Variants in GID4 observed in about 807,000 individuals in gnomAD.
GID4 encodes the protein glucose-induced degradation protein 4 homolog.
GID4 carries 7 observed loss-of-function variants against 32.4 expected under a neutral mutation model. The observed-to-expected ratio is 0.22, with a 90% CI of 0.12 to 0.41. The LOEUF (loss-of-function observed/expected upper bound fraction) is 0.41. Ranked by LOEUF, GID4 falls within the 10% of genes least tolerant of loss-of-function variation. GID4 has a pLI of 1.00. For missense variants in GID4, 309 were observed against 400.0 expected (o/e 0.77, Z 1.94); for synonymous variants, 166 against 170.0 (o/e 0.98, Z 0.18).
intron 1 of GID4, among the ~76,000 whole-genome samples, chr17:18,044,183 G>A (rs1427484779): frequency 1.3e-5 from 2 of 152,118 alleles, no homozygotes; most frequent in Admixed American, 6.6e-5. Context: ...CAAAAGCCAG[G>A]GATTTTTCAC....
At chr17:18,063,294 C>T (rs2045032900) in intron 5 of GID4, among the ~76,000 whole-genome samples, 3 of 151,844 alleles carry the variant, frequency 2.0e-5, no homozygotes, top group Admixed American at 1.3e-4. Context: ...CCTGTAGTTC[C>T]AGCTACTCAG....
At chr17:18,049,940 T>C (rs1475293442) in intron 2 of GID4, among the ~76,000 whole-genome samples, 1 of 152,214 alleles carries the variant, frequency 6.6e-6, no homozygotes, top group Admixed American at 6.5e-5. Flanking sequence ...TTTGAGCCCA[T>C]GAGTTCTCAT....
chr17:18,062,659 A>G (rs1321254532), intron 5 of GID4, among the ~76,000 whole-genome samples: 2 of 152,202 alleles, frequency 1.3e-5, no homozygotes, highest in African/African-American at 4.8e-5. Context: ...ATCCTACCCT[A>G]GATTCCTTGT....
At chr17:18,062,038 C>T (rs2142153845) in intron 5 of GID4, 63 bp downstream of exon 5, 1 of 1,527,474 alleles carries the variant, frequency 6.5e-7, no homozygotes, top group Non-Finnish European at 9.0e-7. Flanking sequence ...TCTCCCTTGG[C>T]TCATCAAACC....
chr17:18,059,722 A>T (rs2045001645), intron 4 of GID4, among the ~76,000 whole-genome samples: 1 of 152,186 alleles, frequency 6.6e-6, no homozygotes, highest in Admixed American at 6.5e-5. Flanking sequence ...AAATCTTGTC[A>T]GCTTTCATAA....
intron 2 of GID4, among the ~76,000 whole-genome samples, chr17:18,050,803 A>G (rs1232675142): frequency 6.6e-6 from 1 of 152,232 alleles, no homozygotes; most frequent in Middle Eastern, 3.2e-3. Context: ...GTCTGACAAC[A>G]GCCAGACCCA....
chr17:18,049,195 A>G (rs967998621), intron 2 of GID4, among the ~76,000 whole-genome samples: 1 of 151,382 alleles, frequency 6.6e-6, no homozygotes, highest in Non-Finnish European at 1.5e-5. Flanking sequence ...AATTAGCTGG[A>G]CATGGTGGCG....
At chr17:18,050,807 A>T (rs1373838286) in intron 2 of GID4, among the ~76,000 whole-genome samples, 1 of 152,240 alleles carries the variant, frequency 6.6e-6, no homozygotes, top group African/African-American at 2.4e-5. Flanking sequence ...GACAACAGCC[A>T]GACCCACCAA....
chr17:18,066,722 T>G lies in GID4; in HGVS notation c.*1479T>G, dbSNP rs2142158544. 1 of 152,282 alleles carries G rather than the reference T, an allele frequency of 6.6e-6. No homozygotes were observed. The highest frequency in any genetic ancestry group is 1.9e-4 in the East Asian group (1 of 5,188). The allele number at this position is 152,282 out of a possible 1,614,324, so 9.4% of individuals were successfully genotyped here. A position where few individuals can be genotyped will look rare whatever the true frequency, so the allele number is the denominator to read the frequency against. On this transcript the variant is annotated 3_prime_UTR_variant, in exon 6 of 6. Transcript: ENST00000268719. ...CATAAGAGAATGTGAAGCCCTTCAG[T>G]GAGACGAGACGAGCAATGGGAAACC... is the stretch of plus-strand genomic sequence containing the variant.
At chr17:18,050,141 A>G (rs943547738) in intron 2 of GID4, among the ~76,000 whole-genome samples, 1 of 152,180 alleles carries the variant, frequency 6.6e-6, no homozygotes, top group African/African-American at 2.4e-5. Context: ...ATGGGCATTT[A>G]GGTTGACCCA....
rs1020879477 is a variant in GID4, at chr17:18,066,503, T to A, written c.*1260T>A. The A allele has an allele frequency of 1.3e-5, 2 of 152,148 alleles. No individual in the cohort carries two copies. Among genetic ancestry groups the A allele is most frequent in the African/African-American group, 4.8e-5 (2 of 41,374 alleles). The allele number at this position is 152,148 out of a possible 1,614,324, so 9.4% of individuals were successfully genotyped here. On this transcript the variant is annotated 3_prime_UTR_variant, in exon 6 of 6. Coordinates refer to ENST00000268719, the MANE Select transcript of GID4 (RefSeq NM_024052.5). ...GTGTGTGTATGATGTTTTGTTTTTT[T>A]AAATGTTTTAAAAGCTTAATAGGTT...
chr17:18,040,596 T>A (rs1286382084), intron 1 of GID4, among the ~76,000 whole-genome samples: 4 of 152,064 alleles, frequency 2.6e-5, no homozygotes, highest in Non-Finnish European at 5.9e-5. Flanking sequence ...TGTCTCTTCA[T>A]GGTCCAGGCA....
chr17:18,056,903 C>CG, intron 3 of GID4: 1 of 1,550,586 alleles, frequency 6.4e-7, no homozygotes, highest in Non-Finnish European at 8.7e-7. Flanking sequence ...ACTTTCACCA[C>CG]TCATGGAGGA....
Position 18,039,668 on chromosome 17 carries a change from G to T in GID4, c.204G>T (p.Ala68=). 1 of 1,370,554 alleles carries T rather than the reference G, an allele frequency of 7.3e-7. No individual in the cohort carries two copies. The highest frequency in any genetic ancestry group is 9.4e-7 in the Non-Finnish European group (1 of 1,062,126). 84.9% of individuals were successfully genotyped at this position (1,370,554 alleles called of 1,614,324 possible). ...ATLLGSRAAA[A]VPLPLPPALA... ...TCCTCGGCTCCCGCGCGGCGGCGGC[G>T]GTTCCTCTCCCACTCCCCCCAGCCC... The change falls in exon 1 of 6, where the codon GCG becomes GCT. Residue 68 remains alanine, a synonymous_variant. Transcript: ENST00000268719. This position sits in a 1 kb window ranked among gnomAD's most constrained non-coding sequence, Gnocchi z 5.3.
chr17:18,041,080 C>T (rs979659757), intron 1 of GID4, among the ~76,000 whole-genome samples: 2 of 152,066 alleles, frequency 1.3e-5, no homozygotes, highest in African/African-American at 4.8e-5. Context: ...CTAAGGACCC[C>T]TTTCCCCTTC....
chr17:18,059,404 C>T (rs1279103743), intron 4 of GID4, among the ~76,000 whole-genome samples: 1 of 152,192 alleles, frequency 6.6e-6, no homozygotes, highest in Non-Finnish European at 1.5e-5. Flanking sequence ...CATCCGTGGG[C>T]CAGGTGCCCT....
chr17:18,047,806 TTTA>T (rs1429241394), intron 2 of GID4, among the ~76,000 whole-genome samples: 2 of 152,226 alleles, frequency 1.3e-5, no homozygotes, highest in Non-Finnish European at 2.9e-5. Flanking sequence ...TTTTAGTAGC[TTTA>T]TTGAGATAAT....
At chr17:18,062,425 C>G (rs2045024837) in intron 5 of GID4, among the ~76,000 whole-genome samples, 1 of 152,160 alleles carries the variant, frequency 6.6e-6, no homozygotes, top group Admixed American at 6.6e-5. Flanking sequence ...ACCTGGGGGC[C>G]TGTGAGTGGA....
At chr17:18,043,209 C>T (rs912332010) in intron 1 of GID4, among the ~76,000 whole-genome samples, 3 of 152,182 alleles carry the variant, frequency 2.0e-5, no homozygotes, top group African/African-American at 4.8e-5. Flanking sequence ...AAGCTGTATG[C>T]GTTGTGGTGT....
Sources: gnomAD v4.1 joint callset for allele counts (sites outside exome capture counted in the v4.1 genomes callset) on GRCh38, gnomAD v4.1.1 for gene constraint, Gnocchi (gnomAD v3.1) non-coding constraint, MANE v1.5 for transcripts, NCBI Gene and HGNC (gene_info 2026-07-23, HGNC 2026-07-21) for gene names.